Variants in MAGI2 observed in about 807,000 individuals in gnomAD.
MAGI2 encodes membrane associated guanylate kinase, WW and PDZ domain containing 2.
MAGI2 carries 35 observed loss-of-function variants against 133.3 expected under a neutral mutation model. That is an observed-to-expected ratio of 0.26 (90% confidence interval 0.20 to 0.35). The LOEUF (loss-of-function observed/expected upper bound fraction) is 0.35. MAGI2 is among the 10% of genes least tolerant of loss of function. The probability of loss-of-function intolerance (pLI) is 1.00; values close to 1 mark genes in which losing one functional copy is unlikely to be tolerated. For synonymous variants in MAGI2, 729 were observed against 710.6 expected, an observed-to-expected ratio of 1.03 and a Z score of -0.41; for missense variants, 1,636 against 1,863.4, an observed-to-expected ratio of 0.88 and a Z score of 2.25.
intron 6 of MAGI2, among the ~76,000 whole-genome samples, chr7:78,421,096 A>C (rs1192781164): frequency 6.6e-6 from 1 of 152,216 alleles, no homozygotes; most frequent in Non-Finnish European, 1.5e-5. Context: ...CCAAATGTGG[A>C]AACTGTTGTT....
At chr7:78,892,501 A>G (rs1432612512) in intron 2 of MAGI2, among the ~76,000 whole-genome samples, 1 of 152,106 alleles carries the variant, frequency 6.6e-6, no homozygotes, top group Non-Finnish European at 1.5e-5. Context: ...TACAGTAACC[A>G]AAACAGCATG....
chr7:79,318,992 C>T (rs1838963945), intron 1 of MAGI2, among the ~76,000 whole-genome samples: 2 of 152,138 alleles, frequency 1.3e-5, no homozygotes, highest in Non-Finnish European at 2.9e-5. Context: ...CTGCTATTCG[C>T]AACCTCTTTT....
chr7:78,724,368 G>A (rs1820557504), intron 2 of MAGI2, among the ~76,000 whole-genome samples: 1 of 152,184 alleles, frequency 6.6e-6, no homozygotes, highest in Non-Finnish European at 1.5e-5. Context: ...AAATGAGAGA[G>A]TCAGATGAAA....
intron 2 of MAGI2, among the ~76,000 whole-genome samples, chr7:78,736,349 C>T (rs764256152): frequency 6.6e-5 from 10 of 152,262 alleles, no homozygotes; most frequent in African/African-American, 9.6e-5. Context: ...ACTTTAGCGA[C>T]GCTCTGCCTG....
chr7:79,012,952 C>G (rs775087967), intron 1 of MAGI2, among the ~76,000 whole-genome samples: 1 of 152,104 alleles, frequency 6.6e-6, no homozygotes, highest in Non-Finnish European at 1.5e-5. Context: ...GGGTACCAAT[C>G]CCATTCATGA....
Position 79,113,966 on chromosome 7 carries a change from C to A in MAGI2, c.302-106760G>T, listed in dbSNP as rs528913428. ...TATGTCTTTTTCTGAATCATTTGAGCAATTTCATTTTCTAATGTGTAATGT... is the reference window on the plus strand; with the variant it reads ...TATGTCTTTTTCTGAATCATTTGAGAAATTTCATTTTCTAATGTGTAATGT... On this transcript the variant is annotated intron_variant, in intron 1 of 21. Transcript: ENST00000354212. Among the ~76,000 whole-genome samples, 9 of 152,246 alleles carry A rather than the reference C, an allele frequency of 5.9e-5. No homozygotes were observed. The East Asian group carries it at 7.7e-4, about 13-fold the overall frequency.
At chr7:79,008,485 T>C (rs1432138792) in intron 1 of MAGI2, among the ~76,000 whole-genome samples, 3 of 152,180 alleles carry the variant, frequency 2.0e-5, no homozygotes, top group Non-Finnish European at 4.4e-5. Context: ...CATTTTCAAC[T>C]GAATTAACTG....
chr7:79,266,967 G>T (rs1411734764), intron 1 of MAGI2, among the ~76,000 whole-genome samples: 2 of 152,150 alleles, frequency 1.3e-5, no homozygotes, highest in Admixed American at 1.3e-4. Context: ...AAGGGGGAAT[G>T]ATACAGACTT....
At chr7:79,108,636 T>C (rs1367320910) in intron 1 of MAGI2, among the ~76,000 whole-genome samples, 1 of 152,240 alleles carries the variant, frequency 6.6e-6, no homozygotes, top group Non-Finnish European at 1.5e-5. Context: ...CCCTGCTCTA[T>C]TCATTTTGTC....
chr7:78,420,191 A>G (rs1319978657), intron 6 of MAGI2, among the ~76,000 whole-genome samples: 13 of 152,204 alleles, frequency 8.5e-5, no homozygotes, highest in Non-Finnish European at 1.6e-4. Flanking sequence ...AACAACAGCA[A>G]CTAGAATCAC....
chr7:78,946,262 A>C (rs1310762915), intron 2 of MAGI2, among the ~76,000 whole-genome samples: 1 of 152,152 alleles, frequency 6.6e-6, no homozygotes, highest in Non-Finnish European at 1.5e-5. Flanking sequence ...TAATCATGTA[A>C]AGCAACTAAA....
chr7:78,878,521 T>A (rs1795599659), intron 2 of MAGI2, among the ~76,000 whole-genome samples: 1 of 152,192 alleles, frequency 6.6e-6, no homozygotes, highest in African/African-American at 2.4e-5. Flanking sequence ...CTTAAGACAG[T>A]CAATATAGAG....
At chr7:79,174,062 G>T (rs1011678087) in intron 1 of MAGI2, among the ~76,000 whole-genome samples, 4 of 151,772 alleles carry the variant, frequency 2.6e-5, no homozygotes, top group Non-Finnish European at 5.9e-5. Context: ...TAATACTGAG[G>T]ATAAAAATTA....
chr7:78,687,397 A>G (rs564779828), intron 2 of MAGI2, among the ~76,000 whole-genome samples: 70 of 152,348 alleles, frequency 4.6e-4, no homozygotes, highest in Middle Eastern at 3.4e-3. Flanking sequence ...ATGTTGTTAC[A>G]GGATTCATAA....
chr7:78,915,952 C>T (rs762289051), intron 2 of MAGI2, among the ~76,000 whole-genome samples: 16 of 151,886 alleles, frequency 1.1e-4, no homozygotes, highest in Non-Finnish European at 2.2e-4. Flanking sequence ...GGGGAAGGAG[C>T]CTGACAATAT....
At chr7:78,095,126 G>A (rs1376887374) in intron 20 of MAGI2, among the ~76,000 whole-genome samples, 5 of 152,220 alleles carry the variant, frequency 3.3e-5, no homozygotes, top group Non-Finnish European at 7.3e-5. Context: ...GGTCATGTTA[G>A]ATGCTGGGGA....
intron 2 of MAGI2, among the ~76,000 whole-genome samples, chr7:78,660,010 A>C (rs151226788): frequency 1.3e-5 from 2 of 152,178 alleles, no homozygotes; most frequent in Non-Finnish European, 2.9e-5. Context: ...TTCTCAGCAA[A>C]CTATTGCAAG....
intron 6 of MAGI2, 126 bp downstream of exon 6, chr7:78,489,635 A>T (rs1563074954): frequency 1.3e-6 from 1 of 760,032 alleles, no homozygotes; most frequent in African/African-American, 1.8e-5. Flanking sequence ...TTATCTGAGC[A>T]TTAAACATTA....
chr7:78,174,609 AC>A (rs1312600794), intron 14 of MAGI2, among the ~76,000 whole-genome samples: 1 of 152,190 alleles, frequency 6.6e-6, no homozygotes, highest in Non-Finnish European at 1.5e-5. Flanking sequence ...TGAAAGGTTA[AC>A]CCTTGGAATT....
Sources: gnomAD v4.1 joint callset for allele counts (sites outside exome capture counted in the v4.1 genomes callset) on GRCh38, gnomAD v4.1.1 for gene constraint, MANE v1.5 for transcripts, NCBI Gene and HGNC (gene_info 2026-07-23, HGNC 2026-07-21) for gene names.